Variants in CABLES1 observed in about 807,000 individuals in gnomAD.
CABLES1 encodes Cdk5 and Abl enzyme substrate 1.
In CABLES1, 36 loss-of-function variants were observed where a neutral mutation model predicts 57.8. That is an observed-to-expected ratio of 0.62 (90% CI 0.48 to 0.82). CABLES1 has a LOEUF of 0.82. Ranked by LOEUF, CABLES1 falls within the 40% of genes least tolerant of loss-of-function variation. The pLI is 0.00. For synonymous variants in CABLES1, 374 were observed against 363.0 expected (o/e 1.03, Z -0.35); for missense variants, 767 against 836.6 (o/e 0.92, Z 1.03).
At chr18:23,164,851 A>G (rs1439638666) in intron 1 of CABLES1, among the ~76,000 whole-genome samples, 1 of 152,102 alleles carries the variant, frequency 6.6e-6, no homozygotes, top group Non-Finnish European at 1.5e-5. Flanking sequence ...GGCTCACTGC[A>G]ACCTCTGCCT....
chr18:23,139,432 G>A (rs1451711139), intron 1 of CABLES1, among the ~76,000 whole-genome samples: 1 of 143,948 alleles, frequency 6.9e-6, no homozygotes. Flanking sequence ...AAATTAGAAT[G>A]TCTCCCAATC....
At chr18:23,191,675 T>C (rs2047243917) in intron 2 of CABLES1, among the ~76,000 whole-genome samples, 1 of 152,206 alleles carries the variant, frequency 6.6e-6, no homozygotes, top group South Asian at 2.1e-4. Flanking sequence ...AGCTAATCTT[T>C]CATTAAATTA....
intron 1 of CABLES1, among the ~76,000 whole-genome samples, chr18:23,182,620 A>G (rs2047175160): frequency 6.6e-6 from 1 of 152,254 alleles, no homozygotes; most frequent in Non-Finnish European, 1.5e-5. Context: ...ATGTGCAGAC[A>G]GCGTTGAGAG....
At chr18:23,155,729 C>A in intron 1 of CABLES1, 2 of 1,087,836 alleles carry the variant, frequency 1.8e-6, no homozygotes, top group South Asian at 1.7e-5. Context: ...CCTAGAATCA[C>A]GGGGTGGCAG....
chr18:23,257,064 C>A, intron 9 of CABLES1, 163 bp from the exon 10 acceptor site: 2 of 725,356 alleles, frequency 2.8e-6, no homozygotes, highest in African/African-American at 1.8e-5. Context: ...GGACCGAAGG[C>A]AGGAAGCACA....
At chr18:23,168,136 A>G (rs983116178) in intron 1 of CABLES1, among the ~76,000 whole-genome samples, 3 of 152,222 alleles carry the variant, frequency 2.0e-5, no homozygotes, top group Non-Finnish European at 4.4e-5. Flanking sequence ...AGAGTAGGGA[A>G]AAAGCAGGTG....
rs184390448 is a variant in CABLES1, at chr18:23,165,602, T to C, written c.846-23236T>C. ...ATTTGACTACTGGAGGTACCTCATC[T>C]AAGTGGAATCACAGAGTTTGTCCTT... On this transcript the variant is annotated intron_variant, in intron 1 of 9. Transcript: ENST00000256925. Among the ~76,000 whole-genome samples the C allele has an allele frequency of 1.1e-4, 17 of 152,334 alleles. No homozygotes were observed. The East Asian group carries it at 3.3e-3, about 29-fold the overall frequency.
chr18:23,189,071 G>A (rs2047223215), intron 2 of CABLES1, 162 bp downstream of exon 2: 1 of 585,626 alleles, frequency 1.7e-6, no homozygotes, highest in Admixed American at 3.1e-5. Context: ...CACCTCTGAA[G>A]ACCACTAGAA....
rs146538581 is a variant in CABLES1, at chr18:23,160,198, C to T, written c.845+23591C>T. On this transcript the variant is annotated intron_variant, in intron 1 of 9. Coordinates refer to ENST00000256925, the MANE Select transcript of CABLES1 (RefSeq NM_001100619.3). ...GATTACAGGCGCCCGCCACCACACC[C>T]GGCTGATTTTTTGTATTTTTAGTAG... is the stretch of plus-strand genomic sequence containing the variant. Among the ~76,000 whole-genome samples, 1,057 of 152,026 alleles carry T rather than the reference C, an allele frequency of 7.0e-3. 11 individuals carry two copies. Among genetic ancestry groups the T allele is most frequent in the African/African-American group, 0.025 (1,019 of 41,478 alleles).
chr18:23,143,498 C>G (rs1011312275), intron 1 of CABLES1, among the ~76,000 whole-genome samples: 11 of 152,242 alleles, frequency 7.2e-5, no homozygotes, highest in Non-Finnish European at 1.6e-4. Context: ...ATCTTCTCAG[C>G]ATCACCCTTT....
intron 1 of CABLES1, among the ~76,000 whole-genome samples, chr18:23,172,123 C>T (rs1172295939): frequency 6.6e-6 from 1 of 152,132 alleles, no homozygotes; most frequent in African/African-American, 2.4e-5. Flanking sequence ...GGGATTTTGC[C>T]ATGTTGCCCA....
intron 8 of CABLES1, among the ~76,000 whole-genome samples, chr18:23,253,269 G>A (rs763253924): frequency 1.6e-4 from 24 of 152,170 alleles, no homozygotes; most frequent in Non-Finnish European, 3.2e-4. Context: ...GATCACCTGA[G>A]GTCAGGGGCT....
At chr18:23,219,071 A>G (rs1568072903) in intron 4 of CABLES1, 5 of 412,194 alleles carry the variant, frequency 1.2e-5, no homozygotes, top group Non-Finnish European at 2.4e-5. Flanking sequence ...GCCTTGCCAT[A>G]CCAGCATGCC....
intron 1 of CABLES1, among the ~76,000 whole-genome samples, chr18:23,147,585 G>C (rs973781651): frequency 6.6e-6 from 1 of 152,206 alleles, no homozygotes; most frequent in Admixed American, 6.5e-5. Context: ...ATCCTGAACA[G>C]CTACCTTGCT....
At chr18:23,221,797 TAG>T (rs1385877119) in intron 4 of CABLES1, among the ~76,000 whole-genome samples, 4 of 152,194 alleles carry the variant, frequency 2.6e-5, no homozygotes, top group Non-Finnish European at 2.9e-5. Context: ...TATCATGAGC[TAG>T]TCTATGGTCT....
At chr18:23,226,896 G>A (rs1377886451) in intron 4 of CABLES1, 2 of 152,178 alleles carry the variant, frequency 1.3e-5, no homozygotes, top group Non-Finnish European at 1.5e-5. Context: ...AGCAAAAAGA[G>A]TTTCTGTGAT....
intron 1 of CABLES1, among the ~76,000 whole-genome samples, chr18:23,156,433 C>G (rs967253681): frequency 1.3e-5 from 2 of 152,208 alleles, no homozygotes; most frequent in African/African-American, 2.4e-5. Context: ...GCTTCAGGAC[C>G]CTGGACGTCA....
intron 7 of CABLES1, among the ~76,000 whole-genome samples, chr18:23,237,534 C>G (rs905314053): frequency 6.6e-6 from 1 of 152,222 alleles, no homozygotes; most frequent in Admixed American, 6.5e-5. Context: ...CTTATACCTC[C>G]ACAAACCCCC....
intron 1 of CABLES1, among the ~76,000 whole-genome samples, chr18:23,186,354 T>A (rs1466330937): frequency 1.3e-5 from 2 of 152,166 alleles, no homozygotes; most frequent in Non-Finnish European, 2.9e-5. Flanking sequence ...CTCAGTTAAT[T>A]GTTGTTTCCC....
Sources: gnomAD v4.1 joint callset for allele counts (sites outside exome capture counted in the v4.1 genomes callset) on GRCh38, gnomAD v4.1.1 for gene constraint, MANE v1.5 for transcripts, NCBI Gene and HGNC (gene_info 2026-07-23, HGNC 2026-07-21) for gene names.